FRMD4B: variants seen among roughly 807,000 people sequenced by gnomAD.
FRMD4B encodes the protein FERM domain-containing protein 4B.
In FRMD4B, 74 loss-of-function variants were observed where a neutral mutation model predicts 141.5. The observed-to-expected ratio is 0.52, with a 90% CI of 0.43 to 0.63. The LOEUF is 0.63. Ranked by LOEUF, FRMD4B falls within the 30% of genes least tolerant of loss-of-function variation. The probability of loss-of-function intolerance (pLI) is 0.00; values close to 1 mark genes in which losing one functional copy is unlikely to be tolerated. For synonymous variants in FRMD4B, 506 were observed against 467.9 expected (o/e 1.08, Z -1.05); for missense variants, 1,366 against 1,253.4 (o/e 1.09, Z -1.36).
intron 1 of FRMD4B, among the ~76,000 whole-genome samples, chr3:69,364,414 G>A (rs1364177884): frequency 6.6e-6 from 1 of 152,220 alleles, no homozygotes; most frequent in Non-Finnish European, 1.5e-5. Flanking sequence ...CCAGAAGGGA[G>A]ACTGGGTGCT....
At chr3:69,253,667 T>G (rs1390774352) in intron 5 of FRMD4B, among the ~76,000 whole-genome samples, 2 of 152,200 alleles carry the variant, frequency 1.3e-5, no homozygotes, top group Non-Finnish European at 2.9e-5. Flanking sequence ...CTATTTTAAG[T>G]AGAAGTCTTT....
intron 5 of FRMD4B, 193 bp from the exon 6 acceptor site, chr3:69,250,292 T>TGTGC: frequency 3.6e-6 from 1 of 277,458 alleles, no homozygotes. Flanking sequence ...TGTGTGTGCG[T>TGTGC]GTGTGTGTGT....
At chr3:69,496,979 G>C (rs547372156) in intron 1 of FRMD4B, among the ~76,000 whole-genome samples, 1 of 151,450 alleles carries the variant, frequency 6.6e-6, no homozygotes, top group South Asian at 2.1e-4. Context: ...GACTGGCATT[G>C]CCTACGCCGA....
At chr3:69,289,328 C>A (rs1700799398) in intron 4 of FRMD4B, among the ~76,000 whole-genome samples, 1 of 152,158 alleles carries the variant, frequency 6.6e-6, no homozygotes, top group African/African-American at 2.4e-5. Context: ...AATTCCAGTT[C>A]TTTCAATTTA....
chr3:69,492,575 C>A (rs979274308), intron 1 of FRMD4B, among the ~76,000 whole-genome samples: 1 of 152,124 alleles, frequency 6.6e-6, no homozygotes, highest in Non-Finnish European at 1.5e-5. Context: ...AATTGAGGGA[C>A]CTTGCTATGT....
chr3:69,494,864 C>T (rs978189072), intron 1 of FRMD4B, among the ~76,000 whole-genome samples: 3 of 149,994 alleles, frequency 2.0e-5, no homozygotes, highest in African/African-American at 7.4e-5. Context: ...TGCACTCCAG[C>T]ATGGGCAACA....
intron 1 of FRMD4B, among the ~76,000 whole-genome samples, chr3:69,511,177 G>A (rs1210839594): frequency 6.6e-6 from 1 of 152,056 alleles, no homozygotes; most frequent in African/African-American, 2.4e-5. Flanking sequence ...CAGGTTCATG[G>A]TCCCAGTAGT....
chr3:69,293,880 CAAAAAA>C (rs10699871), intron 4 of FRMD4B, among the ~76,000 whole-genome samples: 8 of 74,440 alleles, frequency 1.1e-4, no homozygotes, highest in South Asian at 6.5e-4. Context: ...GATTCTGCCT[CAAAAAA>C]AAAAAAAAAA....
In FRMD4B at chr3:69,481,519, T is replaced by G. The variant is rs1706124520; in HGVS notation, c.-128-48758A>C. Among the ~76,000 whole-genome samples the G allele has an allele frequency of 2.0e-5, 3 of 152,308 alleles. No individual in the cohort carries two copies. In the South Asian group the frequency reaches 6.2e-4, roughly 32 times the overall value. Reference sequence around the variant, plus strand: ...AAAAGGGAAATTTAGAGAGGCTATTTTGATATTTCACGTAACAGTTAGGCA... The same window carrying G: ...AAAAGGGAAATTTAGAGAGGCTATTGTGATATTTCACGTAACAGTTAGGCA... On this transcript the variant is annotated intron_variant, in intron 1 of 5. Coordinates refer to the FRMD4B transcript ENST00000459638.
chr3:69,266,577 C>T lies in FRMD4B; in HGVS notation c.502-16478G>A, dbSNP rs150270183. On this transcript the variant is annotated intron_variant, in intron 5 of 22. Coordinates refer to ENST00000398540, the MANE Select transcript of FRMD4B (RefSeq NM_015123.3). ...CTGACCTCAGGTGACCCACCCACCT[C>T]GGCCTCCCAAAGTGCTGGGATTACA... Among the ~76,000 whole-genome samples the T allele has an allele frequency of 3.2e-3, 484 of 152,236 alleles. 3 individuals are homozygous for T. Among genetic ancestry groups the T allele is most frequent in the African/African-American group, 0.011 (459 of 41,540 alleles).
chr3:69,533,247 G>C (rs1378392173), intron 1 of FRMD4B, among the ~76,000 whole-genome samples: 1 of 152,220 alleles, frequency 6.6e-6, no homozygotes, highest in African/African-American at 2.4e-5. Flanking sequence ...GCAGGCTCTT[G>C]GGAGAGAAAG....
intron 10 of FRMD4B, among the ~76,000 whole-genome samples, chr3:69,216,983 T>C (rs2093146444): frequency 6.6e-6 from 1 of 150,652 alleles, no homozygotes; most frequent in Admixed American, 6.6e-5. Flanking sequence ...CAGTTATCCA[T>C]TAAAAAAAAA....
At chr3:69,309,600 C>T (rs920916653) in intron 3 of FRMD4B, among the ~76,000 whole-genome samples, 1 of 141,956 alleles carries the variant, frequency 7.0e-6, no homozygotes, top group South Asian at 2.2e-4. Context: ...GTCACCATAC[C>T]TGGCTGATTT....
At chr3:69,252,702 T>G (rs1004877904) in intron 5 of FRMD4B, among the ~76,000 whole-genome samples, 1 of 152,210 alleles carries the variant, frequency 6.6e-6, no homozygotes, top group Non-Finnish European at 1.5e-5. Flanking sequence ...ATTTCAAGCC[T>G]GAAGTGTAAA....
intron 1 of FRMD4B, among the ~76,000 whole-genome samples, chr3:69,485,269 G>A (rs1451896553): frequency 2.4e-4 from 36 of 152,220 alleles, no homozygotes; most frequent in Non-Finnish European, 1.5e-5. Flanking sequence ...GTCGGGGGAG[G>A]CCAGGCAGCT....
chr3:69,190,973 T>C (rs1161378626), intron 17 of FRMD4B, among the ~76,000 whole-genome samples: 1 of 152,194 alleles, frequency 6.6e-6, no homozygotes, highest in Non-Finnish European at 1.5e-5. Flanking sequence ...GGGTGAGGCG[T>C]TAGAATAACG....
chr3:69,527,779 G>A (rs1435854762), intron 1 of FRMD4B, among the ~76,000 whole-genome samples: 5 of 152,050 alleles, frequency 3.3e-5, no homozygotes, highest in Non-Finnish European at 7.4e-5. Flanking sequence ...AGAAATGGTT[G>A]GTCACCCAAT....
chr3:69,325,171 T>C (rs767298553), intron 1 of FRMD4B, among the ~76,000 whole-genome samples: 3 of 151,964 alleles, frequency 2.0e-5, no homozygotes, highest in Non-Finnish European at 4.4e-5. Context: ...ACCACTGCTC[T>C]TGGTCAAGTG....
intron 7 of FRMD4B, among the ~76,000 whole-genome samples, chr3:69,235,264 G>C (rs1416335552): frequency 6.6e-6 from 1 of 151,842 alleles, no homozygotes; most frequent in Non-Finnish European, 1.5e-5. Context: ...CCTGAGCAAA[G>C]CTTTTGGGTG....
Sources: gnomAD v4.1 joint callset for allele counts (sites outside exome capture counted in the v4.1 genomes callset) on GRCh38, gnomAD v4.1.1 for gene constraint, MANE v1.5 for transcripts, NCBI Gene and HGNC (gene_info 2026-07-23, HGNC 2026-07-21) for gene names.